SLC2A14: variants seen among roughly 807,000 people sequenced by gnomAD.
The protein encoded by SLC2A14 is solute carrier family 2, facilitated glucose transporter member 14.
In SLC2A14, 13 loss-of-function variants were observed where a neutral mutation model predicts 43.0. That is an observed-to-expected ratio of 0.30 (90% CI 0.20 to 0.48). The LOEUF (loss-of-function observed/expected upper bound fraction) is 0.48. SLC2A14 is among the 20% of genes least tolerant of loss of function. The pLI, the probability that SLC2A14 is intolerant of heterozygous loss-of-function variation, is 0.99. For synonymous variants in SLC2A14, 190 were observed against 233.8 expected (o/e 0.81, Z 1.71); for missense variants, 428 against 620.4 (o/e 0.69, Z 3.29).
chr12:7,842,314 C>T (rs1016573671), intron 2 of SLC2A14, among the ~76,000 whole-genome samples: 13 of 152,130 alleles, frequency 8.5e-5, no homozygotes, highest in Admixed American at 2.0e-4. Flanking sequence ...TTAGCAACTA[C>T]GAATAAAACT....
intron 6 of SLC2A14, 59 bp downstream of exon 6, chr12:7,828,645 C>T: frequency 6.4e-7 from 1 of 1,560,102 alleles, no homozygotes; most frequent in Non-Finnish European, 8.8e-7. Context: ...CCAGTACCCT[C>T]ACCCTTAAAA....
At chr12:7,847,176 T>TG (rs1866540762) in intron 2 of SLC2A14, among the ~76,000 whole-genome samples, 1 of 151,768 alleles carries the variant, frequency 6.6e-6, no homozygotes. Context: ...CACTTGAACC[T>TG]GGGAGGCAGA....
intron 2 of SLC2A14, among the ~76,000 whole-genome samples, chr12:7,867,844 C>CA (rs34320554): frequency 0.076 from 8,514 of 112,018 alleles, 300 homozygotes; most frequent in Middle Eastern, 0.12. Flanking sequence ...GACTCTGTCT[C>CA]AAAAAAAAAA....
At chr12:7,830,235 C>T (rs1405442493) in intron 4 of SLC2A14, among the ~76,000 whole-genome samples, 3 of 151,826 alleles carry the variant, frequency 2.0e-5, no homozygotes, top group East Asian at 3.9e-4. Flanking sequence ...TCACTGCAAC[C>T]TCTGACTCCC....
intron 2 of SLC2A14, among the ~76,000 whole-genome samples, chr12:7,842,836 C>G (rs1866091829): frequency 6.6e-6 from 1 of 151,382 alleles, no homozygotes; most frequent in Non-Finnish European, 1.5e-5. Context: ...TCAAGTGATT[C>G]TCCTGCCTCA....
At chr12:7,842,039 C>T (rs1865997333) in intron 2 of SLC2A14, among the ~76,000 whole-genome samples, 2 of 151,870 alleles carry the variant, frequency 1.3e-5, no homozygotes, top group Admixed American at 6.6e-5. Flanking sequence ...CCATGTTCCA[C>T]CTCCCTTCCC....
intron 2 of SLC2A14, among the ~76,000 whole-genome samples, chr12:7,865,068 C>T (rs1454713296): frequency 6.6e-6 from 1 of 152,050 alleles, no homozygotes; most frequent in Non-Finnish European, 1.5e-5. Flanking sequence ...CTCATTTTTC[C>T]AACAGCATGA....
intron 2 of SLC2A14, among the ~76,000 whole-genome samples, chr12:7,859,654 G>T (rs1944437736): frequency 6.6e-6 from 1 of 152,110 alleles, no homozygotes; most frequent in Admixed American, 6.6e-5. Flanking sequence ...CCAAGAGAAT[G>T]AATCAGGCTT....
intron 2 of SLC2A14, among the ~76,000 whole-genome samples, chr12:7,852,739 G>A (rs569873098): frequency 6.6e-6 from 1 of 152,078 alleles, no homozygotes; most frequent in Non-Finnish European, 1.5e-5. Flanking sequence ...ACCACTGTTT[G>A]AGAACCACTG....
chr12:7,871,936 C>T, intron 1 of SLC2A14: 1 of 982,736 alleles, frequency 1.0e-6, no homozygotes, highest in African/African-American at 1.8e-5. Context: ...GAGGCAGAAT[C>T]TCCAATAGAG....
chr12:7,868,834 C>T (rs1300765589), intron 2 of SLC2A14, among the ~76,000 whole-genome samples: 1 of 152,002 alleles, frequency 6.6e-6, no homozygotes, highest in African/African-American at 2.4e-5. Context: ...ATGGCGAAAC[C>T]CTGTCTCTAC....
chr12:7,828,611 G>C, intron 6 of SLC2A14, 93 bp downstream of exon 6: 1 of 1,325,330 alleles, frequency 7.5e-7, no homozygotes, highest in Non-Finnish European at 1.0e-6. Flanking sequence ...GACGGGCAGG[G>C]AAAGGGTACG....
chr12:7,828,809 A>T lies in SLC2A14; in HGVS notation c.571T>A (p.Phe191Ile). ...TGCAGGATAGCTGGAAGGATGGTAA[A>T]GCCTAATAGCACCGGCCATAGCTCT... ...SEELWPVLLG[F>I]TILPAILQSA... The change falls in exon 6 of 11, where the codon TTT (phenylalanine) becomes ATT (isoleucine). Residue 191 changes from phenylalanine to isoleucine, a missense_variant. Physicochemically the swap from Phe to Ile is conservative, Grantham distance 21 (BLOSUM62 0). This residue lies in a region of SLC2A14 where 185 missense variants were observed against 275.4 expected (regional missense o/e 0.67). Coordinates refer to ENST00000431042, the MANE Select transcript of SLC2A14 (RefSeq NM_001286234.2). 6.2e-7 allele frequency: 1 copy of T among 1,614,200 alleles called. No homozygotes were observed. The highest frequency in any genetic ancestry group is 8.5e-7 in the Non-Finnish European group (1 of 1,180,030).
At chr12:7,826,884 T>C (rs1426257526) in intron 7 of SLC2A14, among the ~76,000 whole-genome samples, 2,498 of 67,500 alleles carry the variant, frequency 0.037, 222 homozygotes, top group African/African-American at 0.12. Flanking sequence ...TTTCTTTCTT[T>C]CTTTCTTTCT....
At chr12:7,844,306 G>A (rs760777857) in intron 2 of SLC2A14, among the ~76,000 whole-genome samples, 12 of 152,182 alleles carry the variant, frequency 7.9e-5, no homozygotes, top group African/African-American at 2.4e-4. Flanking sequence ...AGTACTATGT[G>A]GTGGTGTTGG....
chr12:7,891,142 A>G, exon 1 of SLC2A14: 5 of 1,530,372 alleles, frequency 3.3e-6, no homozygotes, highest in Non-Finnish European at 4.4e-6. Context: ...AACAAAAGTC[A>G]GGTTGTGTGG....
At position 7,889,233 on chromosome 12, in the gene SLC2A14, C is replaced by CTTTTT. The variant is rs142327842; in HGVS notation, c.132+1758_132+1762dup. ...GTAGCCCAGAGGGCTGCTGGTTGCC[C>CTTTTT]TTTTTTTTTTTTTTTTTAAGACTGA... is the stretch of plus-strand genomic sequence containing the variant. On this transcript the variant is annotated intron_variant, in intron 1 of 9. Transcript: ENST00000539924. 3.7e-3 allele frequency among the ~76,000 whole-genome samples: 490 copies of CTTTTT among 132,350 alleles called. 9 individuals are homozygous for CTTTTT. Among genetic ancestry groups the CTTTTT allele is most frequent in the African/African-American group, 0.013 (473 of 35,302 alleles). The allele number at this position is 132,350 out of a possible 152,430, so 86.8% of individuals were successfully genotyped here. A position where few individuals can be genotyped will look rare whatever the true frequency, so the allele number is the denominator to read the frequency against.
At chr12:7,834,904 T>C (rs1294939614) in intron 2 of SLC2A14, among the ~76,000 whole-genome samples, 1 of 152,062 alleles carries the variant, frequency 6.6e-6, no homozygotes, top group Admixed American at 6.6e-5. Flanking sequence ...AACTGTTTGT[T>C]GATGTGCTTC....
At chr12:7,882,531 A>C (rs1359723045) in intron 1 of SLC2A14, among the ~76,000 whole-genome samples, 2 of 151,606 alleles carry the variant, frequency 1.3e-5, no homozygotes, top group East Asian at 1.9e-4. Context: ...AAAGAAAAAT[A>C]AAAGATATTT....
Sources: allele counts gnomAD v4.1 joint callset (sites outside exome capture counted in the v4.1 genomes callset), GRCh38; gene constraint gnomAD v4.1.1; regional missense constraint gnomAD v4.1.1; transcripts MANE v1.5; gene names NCBI Gene and HGNC (gene_info 2026-07-23, HGNC 2026-07-21).